The following NELL1 variants were observed in gnomAD, a reference collection of about 807,000 sequenced individuals.
NELL1 encodes neural EGFL like 1, also known as protein kinase C-binding protein NELL1.
In NELL1, 76 loss-of-function variants were observed where a neutral mutation model predicts 107.4. The observed-to-expected ratio is 0.71, with a 90% CI of 0.59 to 0.86. The LOEUF (loss-of-function observed/expected upper bound fraction) is 0.86, where lower values mean the gene tolerates loss of function less well. NELL1 is among the 40% of genes least tolerant of loss of function. The pLI is 0.00. For missense variants in NELL1, 1,024 were observed against 1,005.5 expected (o/e 1.02, Z -0.25); for synonymous variants, 353 against 341.2 (o/e 1.03, Z -0.38).
intron 14 of NELL1, among the ~76,000 whole-genome samples, chr11:21,342,835 A>G (rs1288910823): frequency 2.0e-5 from 3 of 152,016 alleles, no homozygotes; most frequent in African/African-American, 7.2e-5. Context: ...TATTACATTC[A>G]GTATCCACTG....
chr11:21,456,624 A>G (rs1853747064), intron 15 of NELL1, among the ~76,000 whole-genome samples: 1 of 152,116 alleles, frequency 6.6e-6, no homozygotes, highest in Non-Finnish European at 1.5e-5. Context: ...AATTTCTAAC[A>G]TTCATCTTTC....
At chr11:20,790,366 C>T (rs1346983771) in intron 3 of NELL1, among the ~76,000 whole-genome samples, 2 of 152,212 alleles carry the variant, frequency 1.3e-5, no homozygotes, top group African/African-American at 2.4e-5. Context: ...TGAGTATGTG[C>T]ACACCCAGCC....
intron 15 of NELL1, among the ~76,000 whole-genome samples, chr11:21,506,104 T>A (rs1274598456): frequency 6.6e-6 from 1 of 152,226 alleles, no homozygotes; most frequent in East Asian, 1.9e-4. Context: ...TTTTCACAAT[T>A]TAAGTATCCT....
intron 15 of NELL1, among the ~76,000 whole-genome samples, chr11:21,483,365 A>G (rs1258886570): frequency 6.6e-6 from 1 of 152,092 alleles, no homozygotes; most frequent in Non-Finnish European, 1.5e-5. Flanking sequence ...AAAAGGATAC[A>G]TTTTCTTGTT....
At chr11:21,297,109 G>A (rs979718328) in intron 14 of NELL1, among the ~76,000 whole-genome samples, 3 of 151,696 alleles carry the variant, frequency 2.0e-5, no homozygotes, top group African/African-American at 7.3e-5. Context: ...GCAGCATTCT[G>A]TGGGAAAAGG....
intron 13 of NELL1, among the ~76,000 whole-genome samples, chr11:21,144,074 C>T (rs12290821): frequency 0.24 from 36,649 of 151,984 alleles, 4,647 homozygotes; most frequent in Middle Eastern, 0.33. Flanking sequence ...CAAAATGATA[C>T]CTAAAAACAA....
At chr11:20,937,896 A>T in intron 10 of NELL1, 37 bp downstream of exon 10, 2 of 1,580,778 alleles carry the variant, frequency 1.3e-6, no homozygotes, top group Non-Finnish European at 1.7e-6. Flanking sequence ...CACTTCTGGA[A>T]AATGAATAGA....
Position 20,693,264 on chromosome 11 carries a change from C to T in NELL1, c.184+15204C>T, listed in dbSNP as rs138672122. On this transcript the variant is annotated intron_variant, in intron 2 of 19. Transcript: ENST00000357134. ...CAACTTGCCAGTCTGTGTCTTTTAA[C>T]TGGAGCATTTAGTCCATTTACATTT... is the stretch of plus-strand genomic sequence containing the variant. Among the ~76,000 whole-genome samples, 1,252 of 152,152 alleles carry T rather than the reference C, an allele frequency of 8.2e-3. 12 individuals are homozygous for T. Among genetic ancestry groups the T allele is most frequent in the African/African-American group, 0.028 (1,181 of 41,504 alleles).
chr11:21,379,001 T>C (rs16908018), intron 15 of NELL1, among the ~76,000 whole-genome samples: 4,388 of 152,040 alleles, frequency 0.029, 215 homozygotes, highest in African/African-American at 0.1. Context: ...CCAACACTTG[T>C]ACATTTTAAG....
chr11:20,712,801 T>C (rs1376388147), intron 2 of NELL1, among the ~76,000 whole-genome samples: 1 of 152,220 alleles, frequency 6.6e-6, no homozygotes, highest in African/African-American at 2.4e-5. Context: ...TGCTGGAGAA[T>C]GTTTGCAACA....
chr11:21,173,569 G>A, intron 13 of NELL1, among the ~76,000 whole-genome samples: 1 of 151,754 alleles, frequency 6.6e-6, no homozygotes, highest in East Asian at 1.9e-4. Flanking sequence ...CTTCAGTTTA[G>A]TTCAACAGTT....
At chr11:20,670,611 T>TC (rs952383198) in intron 1 of NELL1, 2 of 152,082 alleles carry the variant, frequency 1.3e-5, no homozygotes, top group Admixed American at 1.3e-4. Flanking sequence ...TGCCCAAAAG[T>TC]CCCCTGGGGT....
Position 21,318,357 on chromosome 11 carries a change from C to A in NELL1, c.1550-52496C>A, listed in dbSNP as rs1849926492. On this transcript the variant is annotated intron_variant, in intron 14 of 19. Transcript: ENST00000357134. ...CAGTGATTTAGGATGGGGCCATGGC[C>A]AGTAATTTCCAGAAGTTGTGTGTTT... Among the ~76,000 whole-genome samples, 3 of 152,144 alleles carry A rather than the reference C, an allele frequency of 2.0e-5. No homozygotes were observed. In the South Asian group the frequency reaches 6.2e-4, roughly 32 times the overall value.
chr11:21,156,351 A>G (rs1372467882), intron 13 of NELL1, among the ~76,000 whole-genome samples: 1 of 152,190 alleles, frequency 6.6e-6, no homozygotes, highest in Non-Finnish European at 1.5e-5. Context: ...CTGCCAGAGT[A>G]GAGAAGGTTA....
At chr11:21,556,246 A>G (rs1414971572) in intron 16 of NELL1, among the ~76,000 whole-genome samples, 2 of 151,920 alleles carry the variant, frequency 1.3e-5, no homozygotes, top group Non-Finnish European at 2.9e-5. Context: ...CTGTATATTC[A>G]AACGCTGGGT....
At chr11:20,793,932 G>T (rs1857122643) in intron 3 of NELL1, among the ~76,000 whole-genome samples, 1 of 152,136 alleles carries the variant, frequency 6.6e-6, no homozygotes, top group Non-Finnish European at 1.5e-5. Flanking sequence ...TTTTGAAAAT[G>T]TATAGATAAA....
At chr11:20,951,900 C>G (rs1019555477) in intron 11 of NELL1, among the ~76,000 whole-genome samples, 2 of 151,998 alleles carry the variant, frequency 1.3e-5, no homozygotes, top group Non-Finnish European at 2.9e-5. Flanking sequence ...GTAGCAGGAG[C>G]CTGACCACTT....
At chr11:21,375,732 A>G (rs1311568520) in intron 15 of NELL1, among the ~76,000 whole-genome samples, 4 of 152,088 alleles carry the variant, frequency 2.6e-5, no homozygotes, top group Non-Finnish European at 5.9e-5. Flanking sequence ...TGACTTTTTA[A>G]TAATAGCCAT....
intron 2 of NELL1, among the ~76,000 whole-genome samples, chr11:20,689,455 T>C (rs1854397301): frequency 9.7e-6 from 1 of 102,578 alleles, no homozygotes. Context: ...CCCACAACAG[T>C]CCCCAGAGTG....
Sources: gnomAD v4.1 joint callset for allele counts (sites outside exome capture counted in the v4.1 genomes callset) on GRCh38, gnomAD v4.1.1 for gene constraint, MANE v1.5 for transcripts, NCBI Gene and HGNC (gene_info 2026-07-23, HGNC 2026-07-21) for gene names.